NWD2: variants seen among roughly 807,000 people sequenced by gnomAD.
NWD2 encodes the protein NACHT and WD repeat domain containing 2.
In NWD2, 37 loss-of-function variants were observed where a neutral mutation model predicts 132.7. The observed-to-expected ratio is 0.28, with a 90% CI of 0.21 to 0.37. NWD2 has a LOEUF of 0.37. Among genes scored for constraint, NWD2 ranks in the 10% least tolerant of loss-of-function variants. The probability of loss-of-function intolerance (pLI) is 1.00; values close to 1 mark genes in which losing one functional copy is unlikely to be tolerated. For missense variants in NWD2, 1,592 were observed against 2,122.4 expected (o/e 0.75, Z 4.91); for synonymous variants, 705 against 803.0 (o/e 0.88, Z 2.06).
chr4:37,339,134 A>G (rs1024127805), intron 2 of NWD2, among the ~76,000 whole-genome samples: 2 of 152,180 alleles, frequency 1.3e-5, no homozygotes, highest in Admixed American at 6.5e-5. Context: ...GCCTGGACCA[A>G]CCTTACCAAG....
intron 2 of NWD2, among the ~76,000 whole-genome samples, chr4:37,348,673 T>TACACACACACAC (rs1326646007): frequency 1.4e-4 from 4 of 28,214 alleles, no homozygotes; most frequent in African/African-American, 4.2e-4. Flanking sequence ...TATATATATA[T>TACACACACACAC]ATACACACAC....
chr4:37,245,186 G>C lies in NWD2; in HGVS notation c.119G>C (p.Ser40Thr), dbSNP rs1313520823. Residue 40 changes from serine to threonine, a missense_variant, in exon 1 of 7, where the codon AGC becomes ACC. Ser to Thr is a moderately conservative substitution (Grantham distance 58). Coordinates refer to ENST00000309447, the MANE Select transcript of NWD2 (RefSeq NM_001144990.2). ...TCTCACCTCGTGCCCGCCGGCCGCAGCGTCCGGGTCTTCATCAGCGCCAAC... is the reference window on the plus strand; with the variant it reads ...TCTCACCTCGTGCCCGCCGGCCGCACCGTCCGGGTCTTCATCAGCGCCAAC... ...LPSHLVPAGR[S>T]VRVFISANPE... is the part of the protein sequence containing the mutation. 2.6e-6 allele frequency: 4 copies of C among 1,543,786 alleles called. No individual in the cohort carries two copies. The highest frequency in any genetic ancestry group is 3.9e-5 in the Admixed American group (2 of 50,890).
chr4:37,334,895 C>G (rs1450358022), intron 2 of NWD2, among the ~76,000 whole-genome samples: 2 of 152,102 alleles, frequency 1.3e-5, no homozygotes, highest in African/African-American at 2.4e-5. Context: ...CCAACTCTAC[C>G]TCCCTAAATA....
chr4:37,353,549 A>AT (rs1260877051), intron 2 of NWD2, among the ~76,000 whole-genome samples: 1 of 150,382 alleles, frequency 6.6e-6, no homozygotes, highest in East Asian at 2.0e-4. Context: ...GTTTCTTTTC[A>AT]TTTTTTTTCT....
intron 1 of NWD2, among the ~76,000 whole-genome samples, chr4:37,246,529 A>G (rs1191507261): frequency 2.0e-5 from 3 of 152,202 alleles, no homozygotes; most frequent in East Asian, 1.9e-4. Context: ...GATATGGTAC[A>G]CTCAAAAAAT....
intron 3 of NWD2, among the ~76,000 whole-genome samples, chr4:37,386,465 C>T (rs28582192): frequency 0.28 from 41,843 of 151,850 alleles, 6,027 homozygotes; most frequent in Admixed American, 0.32. Flanking sequence ...ACTGTACTCT[C>T]TGCAAATACA....
intron 3 of NWD2, among the ~76,000 whole-genome samples, chr4:37,422,470 T>G (rs1178285771): frequency 1.3e-5 from 2 of 152,176 alleles, no homozygotes; most frequent in African/African-American, 4.8e-5. Flanking sequence ...AGCAACTACT[T>G]CTGCATTTTT....
At chr4:37,394,227 C>G (rs891473070) in intron 3 of NWD2, among the ~76,000 whole-genome samples, 2 of 152,122 alleles carry the variant, frequency 1.3e-5, no homozygotes, top group Non-Finnish European at 2.9e-5. Context: ...CTGTTTTCAT[C>G]GTAAGATTCT....
chr4:37,245,140 G>A lies in NWD2; in HGVS notation c.73G>A (p.Gly25Arg). 1 of 1,547,866 alleles carries A rather than the reference G, an allele frequency of 6.5e-7. No homozygotes were observed. Among genetic ancestry groups the A allele is most frequent in the Non-Finnish European group, 8.7e-7 (1 of 1,146,622 alleles). ...DSALRRAAFS[G>R]NLTALPSHLV... ...TGCGCTCCGGCGGGCGGCTTTCTCT[G>A]GGAACCTCACGGCCCTGCCCTCTCA... is the stretch of plus-strand genomic sequence containing the variant. Residue 25 changes from glycine to arginine, a missense_variant, in exon 1 of 7, where the codon GGG (glycine) becomes AGG (arginine). Transcript: ENST00000309447.
At chr4:37,392,427 G>T (rs1239757277) in intron 3 of NWD2, among the ~76,000 whole-genome samples, 1 of 152,070 alleles carries the variant, frequency 6.6e-6, no homozygotes, top group Non-Finnish European at 1.5e-5. Flanking sequence ...ATTCTCTGCG[G>T]CGGGGGCTGC....
intron 3 of NWD2, among the ~76,000 whole-genome samples, chr4:37,367,540 G>A (rs924203616): frequency 3.9e-5 from 6 of 152,028 alleles, no homozygotes; most frequent in Non-Finnish European, 8.8e-5. Context: ...CTTTTAAAAC[G>A]CTTCTACAAA....
At chr4:37,292,658 G>T (rs978128433) in intron 1 of NWD2, among the ~76,000 whole-genome samples, 14 of 152,014 alleles carry the variant, frequency 9.2e-5, no homozygotes, top group African/African-American at 3.4e-4. Flanking sequence ...GATCAAAATT[G>T]CATTCTCTAA....
At chr4:37,279,702 A>G (rs1437177671) in intron 1 of NWD2, among the ~76,000 whole-genome samples, 4 of 152,230 alleles carry the variant, frequency 2.6e-5, no homozygotes, top group Admixed American at 6.5e-5. Flanking sequence ...TGCAGATTAT[A>G]TTATCACCTA....
chr4:37,420,189 G>T (rs566013955), intron 3 of NWD2, among the ~76,000 whole-genome samples: 15 of 152,214 alleles, frequency 9.9e-5, no homozygotes, highest in African/African-American at 3.1e-4. Context: ...TTTGTCCATT[G>T]TTCCATTGCT....
chr4:37,348,193 T>C (rs1183969904), intron 2 of NWD2, among the ~76,000 whole-genome samples: 1 of 152,150 alleles, frequency 6.6e-6, no homozygotes, highest in Non-Finnish European at 1.5e-5. Flanking sequence ...AACCAGAAAA[T>C]AAGAGTAAGT....
chr4:37,394,802 T>TTTTTTTGTTTTG (rs1483106717), intron 3 of NWD2, among the ~76,000 whole-genome samples: 1 of 90,522 alleles, frequency 1.1e-5, no homozygotes, highest in Non-Finnish European at 2.3e-5. Context: ...CTTTATGGTT[T>TTTTTTTGTTTTG]TTTTTTTTTT....
rs192788360 is a variant in NWD2 at position 37,399,880 on chromosome 4, G to T, written c.358-30692G>T. 3.8e-4 allele frequency among the ~76,000 whole-genome samples: 58 copies of T among 152,312 alleles called. 1 individual carries two copies. The East Asian group carries it at 4.4e-3, about 12-fold the overall frequency. ...ACTAAAGAATCAAAAATTCTAGGGA[G>T]AGGCCCGGTGTTTTAACAAGCTCAC... On this transcript the variant is annotated intron_variant, in intron 3 of 6. Coordinates refer to ENST00000309447, the MANE Select transcript of NWD2 (RefSeq NM_001144990.2).
chr4:37,425,273 T>C (rs1711969799), intron 3 of NWD2, among the ~76,000 whole-genome samples: 1 of 152,192 alleles, frequency 6.6e-6, no homozygotes, highest in South Asian at 2.1e-4. Flanking sequence ...TTAGGAAGTG[T>C]TTATTATTCT....
chr4:37,383,347 G>A (rs776535707), intron 3 of NWD2, among the ~76,000 whole-genome samples: 2 of 152,074 alleles, frequency 1.3e-5, no homozygotes, highest in Non-Finnish European at 2.9e-5. Flanking sequence ...GCTTTCCTGT[G>A]GTGAAAAATA....
Sources: allele counts gnomAD v4.1 joint callset (sites outside exome capture counted in the v4.1 genomes callset), GRCh38; gene constraint gnomAD v4.1.1; transcripts MANE v1.5; gene names NCBI Gene and HGNC (gene_info 2026-07-23, HGNC 2026-07-21).